HAVCR1: variants seen among roughly 807,000 people sequenced by gnomAD.
HAVCR1 encodes the protein T cell immunoglobin domain and mucin domain protein 1.
Under a neutral mutation model 32.0 loss-of-function variants are expected in HAVCR1, and 34 were observed. The ratio of observed to expected loss-of-function variants is 1.06; its 90% CI spans 0.81 to 1.42. The LOEUF is 1.42. Among genes scored for constraint, HAVCR1 ranks in the 40% most tolerant of loss-of-function variants. The pLI is 0.00. For missense variants in HAVCR1, 420 were observed against 442.3 expected (o/e 0.95, Z 0.45); for synonymous variants, 178 against 170.3 (o/e 1.05, Z -0.35).
At chr5:157,054,397 G>C (rs1581725124) in intron 3 of HAVCR1, among the ~76,000 whole-genome samples, 2 of 151,858 alleles carry the variant, frequency 1.3e-5, no homozygotes, top group African/African-American at 2.4e-5. Flanking sequence ...CCAGCTACTT[G>C]GGAGGCTGAG....
the HAVCR1 span, among the ~76,000 whole-genome samples, chr5:157,067,514 T>A: frequency 6.6e-6 from 1 of 151,814 alleles, no homozygotes; most frequent in African/African-American, 2.4e-5. Context: ...AAAATAAAAA[T>A]AAAAAAATTA....
At position 157,044,615 on chromosome 5, in the gene HAVCR1, G is replaced by GAAAAAGAA. The variant is rs760337335; in HGVS notation, c.782-1934_782-1933insTTCTTTTT. Among the ~76,000 whole-genome samples the GAAAAAGAA allele has an allele frequency of 2.0e-3, 105 of 52,726 alleles. 3 individuals carry two copies. Among genetic ancestry groups the GAAAAAGAA allele is most frequent in the African/African-American group, 6.3e-3 (97 of 15,492 alleles). 34.6% of individuals were successfully genotyped at this position (52,726 alleles called of 152,430 possible). On this transcript the variant is annotated intron_variant, in intron 5 of 8. Coordinates refer to ENST00000523175, the MANE Select transcript of HAVCR1 (RefSeq NM_001173393.3). ...AGAAAGAAAGAAAGAAAGAAAGAAA[G>GAAAAAGAA]AGAAAGAAAGAAAGAAAGAAAGAAA...
At position 157,042,659 on chromosome 5, in the gene HAVCR1, ACT is replaced by A. The variant is rs751385061; in HGVS notation, c.803_804del (p.Glu268ValfsTer8). On this transcript the variant is annotated frameshift_variant, in exon 6 of 9. Coordinates refer to ENST00000523175, the MANE Select transcript of HAVCR1 (RefSeq NM_001173393.3). LOFTEE classifies it high-confidence loss of function. ...YTTDGNDTVT[E>X]SSDGLWNNNQ... ...TTGTTATTCCAAAGGCCATCTGAAGACTCTGTCACGGTGTCATTCCCATCTAC... is the reference window on the plus strand; with the variant it reads ...TTGTTATTCCAAAGGCCATCTGAAGACTGTCACGGTGTCATTCCCATCTAC... 2.5e-6 allele frequency: 4 copies of A among 1,596,222 alleles called. No individual in the cohort carries two copies. The African/African-American group carries it at 4.0e-5, about 16-fold the overall frequency.
chr5:157,041,654 A>G (rs1432175402), intron 6 of HAVCR1, among the ~76,000 whole-genome samples: 1 of 152,176 alleles, frequency 6.6e-6, no homozygotes, highest in Non-Finnish European at 1.5e-5. Context: ...TTTCACTTAC[A>G]TTTTACTTTT....
In HAVCR1 at chr5:157,029,698, C is replaced by T. The variant is rs145237072; in HGVS notation, c.*35G>A. 3,762 of 1,612,248 alleles carry T rather than the reference C, an allele frequency of 2.3e-3. 87 individuals are homozygous for T. In the African/African-American group the frequency reaches 0.045, roughly 19 times the overall value. On this transcript the variant is annotated 3_prime_UTR_variant, in exon 9 of 9. Coordinates refer to ENST00000523175, the MANE Select transcript of HAVCR1 (RefSeq NM_001173393.3). ...TGATGTCTGTTCAGTCTTCTGCACT[C>T]ATGGGCGTAAACTCTCAAAGAGCAC...
intron 6 of HAVCR1, 44 bp from the exon 7 acceptor site, chr5:157,037,405 T>A: frequency 2.2e-6 from 2 of 891,738 alleles, no homozygotes; most frequent in Non-Finnish European, 3.7e-6. Flanking sequence ...TGTTAGAAAG[T>A]TATGAAGAGA....
chr5:157,047,967 G>A (rs1323833717), intron 5 of HAVCR1, among the ~76,000 whole-genome samples: 1 of 152,146 alleles, frequency 6.6e-6, no homozygotes, highest in Non-Finnish European at 1.5e-5. Context: ...CACAGCCGGT[G>A]TCCACTGCTT....
At chr5:157,039,357 C>G (rs1329736214) in intron 6 of HAVCR1, among the ~76,000 whole-genome samples, 1 of 152,028 alleles carries the variant, frequency 6.6e-6, no homozygotes, top group Non-Finnish European at 1.5e-5. Context: ...TCAGTAAATG[C>G]ACTGCAATGA....
chr5:157,066,055 T>TAAAAAAAAAAAAAAAAAAAAAAA, the HAVCR1 span, among the ~76,000 whole-genome samples: 19 of 66,900 alleles, frequency 2.8e-4, no homozygotes, highest in South Asian at 1.0e-3. Flanking sequence ...GACTCCGTCT[T>TAAAAAAAAAAAAAAAAAAAAAAA]AAAAAAAAAA....
intron 1 of HAVCR1, chr5:157,058,172 C>G (rs1342133678): frequency 3.8e-6 from 2 of 520,386 alleles, no homozygotes; most frequent in East Asian, 6.3e-5. Flanking sequence ...ACAGGGAAAG[C>G]TGTCCACAGA....
chr5:157,044,615 G>GAAAGAAAGAAAGAAAAAGAAAGAA lies in HAVCR1; in HGVS notation c.782-1934_782-1933insTTCTTTCTTTTTCTTTCTTTCTTT, dbSNP rs760337335. ...AGAAAGAAAGAAAGAAAGAAAGAAA[G>GAAAGAAAGAAAGAAAAAGAAAGAA]AGAAAGAAAGAAAGAAAGAAAGAAA... On this transcript the variant is annotated intron_variant, in intron 5 of 8. Coordinates refer to ENST00000523175, the MANE Select transcript of HAVCR1 (RefSeq NM_001173393.3). Among the ~76,000 whole-genome samples the GAAAGAAAGAAAGAAAAAGAAAGAA allele has an allele frequency of 1.6e-3, 83 of 52,722 alleles. 5 individuals carry two copies. The highest frequency in any genetic ancestry group is 2.7e-3 in the East Asian group (5 of 1,858). 34.6% of individuals were successfully genotyped at this position (52,722 alleles called of 152,430 possible). A position where few individuals can be genotyped will look rare whatever the true frequency, so the allele number is the denominator to read the frequency against.
chr5:157,030,831 C>T (rs903266771), intron 8 of HAVCR1, among the ~76,000 whole-genome samples: 25 of 152,172 alleles, frequency 1.6e-4, no homozygotes, highest in African/African-American at 5.1e-4. Context: ...AGATGAAACA[C>T]ATGTCCACAC....
chr5:157,055,924 A>G (rs1283870615), intron 2 of HAVCR1, among the ~76,000 whole-genome samples: 1 of 151,588 alleles, frequency 6.6e-6, no homozygotes, highest in Non-Finnish European at 1.5e-5. Context: ...CTTTAAAAAA[A>G]TATTTTATTC....
At chr5:157,062,168 G>T (rs1012982907), upstream of HAVCR1, among the ~76,000 whole-genome samples, 3 of 152,152 alleles carry the variant, frequency 2.0e-5, no homozygotes, top group Non-Finnish European at 4.4e-5. Flanking sequence ...GCTCACTAGG[G>T]AGCTGCATCT....
At chr5:157,044,448 A>G (rs1472339769) in intron 5 of HAVCR1, among the ~76,000 whole-genome samples, 3 of 58,262 alleles carry the variant, frequency 5.1e-5, no homozygotes, top group African/African-American at 2.5e-4. Context: ...AGAAAGAAAG[A>G]AAGAAAGAAA....
chr5:157,046,897 G>T (rs1242929359), intron 5 of HAVCR1, among the ~76,000 whole-genome samples: 4 of 152,068 alleles, frequency 2.6e-5, no homozygotes, highest in African/African-American at 9.7e-5. Context: ...TGCTCCGAAG[G>T]CCCCAGCTCT....
chr5:157,039,549 A>AT (rs1428013139), intron 6 of HAVCR1, among the ~76,000 whole-genome samples: 1 of 152,008 alleles, frequency 6.6e-6, no homozygotes, highest in African/African-American at 2.4e-5. Flanking sequence ...AGGTTTCATC[A>AT]TATTGGTCAG....
intron 4 of HAVCR1, 61 bp from the exon 5 acceptor site, chr5:157,049,206 A>T: frequency 9.6e-7 from 1 of 1,036,870 alleles, no homozygotes; most frequent in South Asian, 1.3e-5. Context: ...ACCCCAAGAA[A>T]AATAAAGAAC....
Position 157,029,742 on chromosome 5 carries a change from G to A in HAVCR1, c.1086C>T (p.Ala362=), listed in dbSNP as rs765369679. 1.6e-5 allele frequency: 26 copies of A among 1,612,618 alleles called. No individual in the cohort carries two copies. The South Asian group carries it at 2.6e-4, about 16-fold the overall frequency. ...DNIYIENSLY[A]TD is the part of the protein sequence containing the mutation. The stretch of plus-strand genomic sequence containing the variant: ...AGAGCACCACTGGGTCTTAGTCCGT[G>A]GCATAAAGACTATTCTCAATGTAGA... Residue 362 remains alanine (A), a synonymous_variant, in exon 9 of 9, where the codon GCC becomes GCT. Transcript: ENST00000523175.
Sources: gnomAD v4.1 joint callset for allele counts (sites outside exome capture counted in the v4.1 genomes callset) on GRCh38, gnomAD v4.1.1 for gene constraint, MANE v1.5 for transcripts, NCBI Gene and HGNC (gene_info 2026-07-23, HGNC 2026-07-21) for gene names.